TMC1: variants seen among roughly 807,000 people sequenced by gnomAD.
TMC1 encodes the protein transmembrane channel like 1.
TMC1 carries 84 observed loss-of-function variants against 105.8 expected under a neutral mutation model. The observed-to-expected ratio is 0.79, with a 90% CI of 0.67 to 0.95. The LOEUF is 0.95. Among genes scored for constraint, TMC1 ranks in the 40% least tolerant of loss-of-function variants. The pLI, the probability that TMC1 is intolerant of heterozygous loss-of-function variation, is 0.00. For missense variants in TMC1, 817 were observed against 914.1 expected, an observed-to-expected ratio of 0.89 and a Z score of 1.37; for synonymous variants, 315 against 311.5, an observed-to-expected ratio of 1.01 and a Z score of -0.12.
chr9:72,750,539 G>C (rs747401416), intron 10 of TMC1, among the ~76,000 whole-genome samples: 1 of 140,188 alleles, frequency 7.1e-6, no homozygotes, highest in Non-Finnish European at 1.5e-5. Context: ...GCTTTAAGAG[G>C]GTGCTTTTTT....
intron 1 of TMC1, among the ~76,000 whole-genome samples, chr9:72,544,548 C>T (rs1210950761): frequency 2.8e-5 from 4 of 142,466 alleles, no homozygotes; most frequent in South Asian, 4.4e-4. Flanking sequence ...GGTGCAATCT[C>T]GGCTCACTGC....
At chr9:72,656,901 C>A (rs1175734762) in intron 5 of TMC1, among the ~76,000 whole-genome samples, 6 of 152,126 alleles carry the variant, frequency 3.9e-5, no homozygotes, top group Admixed American at 1.3e-4. Context: ...TAGGAAATAG[C>A]CCTCTGAAGG....
rs759837350 is a variant in TMC1, at chr9:72,772,411, A to C, written c.742-2A>C. 1 of 1,613,758 alleles carries C rather than the reference A, an allele frequency of 6.2e-7. No individual in the cohort carries two copies. The highest frequency in any genetic ancestry group is 1.1e-5 in the South Asian group (1 of 91,074). On this transcript the variant is annotated splice_acceptor_variant, in intron 12 of 23. Coordinates refer to ENST00000297784, the MANE Select transcript of TMC1 (RefSeq NM_138691.3). LOFTEE classifies it high-confidence loss of function. Reference sequence around the variant, plus strand: ...CTAAGTGGCTTTGTTGTTGGATTTCAGGGTTTGGCACAATATTCCGTTCTC... The same window carrying C: ...CTAAGTGGCTTTGTTGTTGGATTTCCGGGTTTGGCACAATATTCCGTTCTC...
At chr9:72,711,279 A>G (rs1826830630) in intron 8 of TMC1, among the ~76,000 whole-genome samples, 1 of 152,178 alleles carries the variant, frequency 6.6e-6, no homozygotes, top group African/African-American at 2.4e-5. Flanking sequence ...TTGGGTATAT[A>G]CCCAGTAATG....
chr9:72,558,651 A>G (rs933788479), intron 1 of TMC1, among the ~76,000 whole-genome samples: 2 of 152,294 alleles, frequency 1.3e-5, no homozygotes, highest in South Asian at 2.1e-4. Flanking sequence ...TTTCTATTTC[A>G]TCTTTTGAAA....
At chr9:72,675,696 A>G (rs562194996) in intron 5 of TMC1, among the ~76,000 whole-genome samples, 2 of 152,324 alleles carry the variant, frequency 1.3e-5, no homozygotes, top group African/African-American at 4.8e-5. Flanking sequence ...ACTTACAATC[A>G]GGATACTGAA....
intron 5 of TMC1, among the ~76,000 whole-genome samples, chr9:72,672,214 T>A (rs1199412089): frequency 6.6e-6 from 1 of 152,226 alleles, no homozygotes; most frequent in Non-Finnish European, 1.5e-5. Flanking sequence ...TCAGTTATGA[T>A]GAGCCACTGA....
intron 3 of TMC1, among the ~76,000 whole-genome samples, chr9:72,619,627 TA>T (rs1055969397): frequency 3.3e-5 from 5 of 151,786 alleles, no homozygotes; most frequent in South Asian, 4.2e-4. Flanking sequence ...TATATTTTTT[TA>T]ATACAAAATA....
intron 2 of TMC1, among the ~76,000 whole-genome samples, chr9:72,584,933 C>T (rs1484297384): frequency 6.7e-6 from 1 of 148,340 alleles, no homozygotes; most frequent in Non-Finnish European, 1.5e-5. Context: ...TACAGGCGTG[C>T]ACTACCACGC....
intron 10 of TMC1, among the ~76,000 whole-genome samples, chr9:72,750,075 C>G (rs918074002): frequency 3.9e-5 from 6 of 152,090 alleles, no homozygotes; most frequent in African/African-American, 1.4e-4. Flanking sequence ...CCACTGCACT[C>G]CAACCTGGGT....
chr9:72,786,755 T>TCACA (rs1460224310), intron 13 of TMC1, among the ~76,000 whole-genome samples: 1 of 152,172 alleles, frequency 6.6e-6, no homozygotes, highest in East Asian at 1.9e-4. Flanking sequence ...CCACTTCTTT[T>TCACA]CACACCCTTT....
intron 4 of TMC1, among the ~76,000 whole-genome samples, chr9:72,635,271 G>T (rs1224117465): frequency 6.6e-6 from 1 of 151,352 alleles, no homozygotes; most frequent in Non-Finnish European, 1.5e-5. Context: ...AAAAAAGAAA[G>T]AAAAGAAAAA....
At chr9:72,524,553 G>A (rs1444437359) in intron 1 of TMC1, among the ~76,000 whole-genome samples, 3 of 152,146 alleles carry the variant, frequency 2.0e-5, no homozygotes, top group East Asian at 1.9e-4. Context: ...TGAGGTAAGC[G>A]AGGAATAGTT....
chr9:72,807,239 C>G (rs978747894), intron 18 of TMC1, among the ~76,000 whole-genome samples: 1 of 151,992 alleles, frequency 6.6e-6, no homozygotes, highest in Non-Finnish European at 1.5e-5. Flanking sequence ...AGAGGGAGAC[C>G]GTGGAAAGAG....
At position 72,543,626 on chromosome 9, in the gene TMC1, T is replaced by TACAAAA. The variant is rs1270770945; in HGVS notation, c.-428+21715_-428+21720dup. Among the ~76,000 whole-genome samples the TACAAAA allele has an allele frequency of 7.9e-5, 12 of 152,204 alleles. No homozygotes were observed. In the East Asian group the frequency reaches 1.7e-3, roughly 22 times the overall value. ...GGTGAAACTCTGTCTCTACTAAAAA[T>TACAAAA]ACAAAAATTAGCTGGGCATGGTGGT... On this transcript the variant is annotated intron_variant, in intron 1 of 23. Coordinates refer to ENST00000297784, the MANE Select transcript of TMC1 (RefSeq NM_138691.3).
intron 12 of TMC1, among the ~76,000 whole-genome samples, chr9:72,759,052 C>T (rs1292837224): frequency 6.6e-6 from 1 of 152,014 alleles, no homozygotes; most frequent in African/African-American, 2.4e-5. Flanking sequence ...ATTGAGGTAA[C>T]ATAGAAATGG....
intron 2 of TMC1, among the ~76,000 whole-genome samples, chr9:72,599,406 G>T (rs942874045): frequency 6.6e-6 from 1 of 152,156 alleles, no homozygotes; most frequent in African/African-American, 2.4e-5. Context: ...TGGAAGCGAT[G>T]AAAACCTTCT....
intron 20 of TMC1, among the ~76,000 whole-genome samples, chr9:72,826,186 A>G (rs1424892904): frequency 1.3e-5 from 2 of 152,202 alleles, no homozygotes; most frequent in African/African-American, 2.4e-5. Context: ...TTTGAATATT[A>G]TGGTACAATT....
At chr9:72,722,541 A>G (rs1028618195) in intron 8 of TMC1, among the ~76,000 whole-genome samples, 1 of 152,168 alleles carries the variant, frequency 6.6e-6, no homozygotes, top group Admixed American at 6.5e-5. Context: ...GCATTTTTAA[A>G]AATTATATGT....
Sources: allele counts gnomAD v4.1 joint callset (sites outside exome capture counted in the v4.1 genomes callset), GRCh38; gene constraint gnomAD v4.1.1; transcripts MANE v1.5; gene names NCBI Gene and HGNC (gene_info 2026-07-23, HGNC 2026-07-21).